The following PALM2AKAP2 variants were observed in gnomAD, a reference collection of about 807,000 sequenced individuals.
The protein encoded by PALM2AKAP2 is PALM2 and AKAP2 fusion, also known as PALM2-AKAP2 fusion protein.
A neutral mutation model predicts 71.5 loss-of-function variants in PALM2AKAP2; 37 were observed. The ratio of observed to expected loss-of-function variants is 0.52; its 90% CI spans 0.40 to 0.68. The LOEUF is 0.68. PALM2AKAP2 is among the 30% of genes least tolerant of loss of function. The probability of loss-of-function intolerance (pLI) is 0.00; values close to 1 mark genes in which losing one functional copy is unlikely to be tolerated. For synonymous variants in PALM2AKAP2, 468 were observed against 478.8 expected, an observed-to-expected ratio of 0.98 and a Z score of 0.29; for missense variants, 1,224 against 1,191.8, an observed-to-expected ratio of 1.03 and a Z score of -0.40.
intron 1 of PALM2AKAP2, among the ~76,000 whole-genome samples, chr9:109,842,862 A>G (rs1828738632): frequency 6.6e-6 from 1 of 151,842 alleles, no homozygotes; most frequent in Admixed American, 6.6e-5. Flanking sequence ...TAAAAATCAA[A>G]CAGTTCGGTG....
rs368527633 is a variant in PALM2AKAP2, at chr9:110,003,456, G to C, written c.497-12498G>C. 2.0e-4 allele frequency among the ~76,000 whole-genome samples: 31 copies of C among 152,136 alleles called. 1 individual carries two copies. The East Asian group carries it at 4.4e-3, about 22-fold the overall frequency. ...AGGAGGGCTTCACTTCCAACTATGTGGTCAATTTTGGAATAGGTGTGGTGT... is the reference window on the plus strand; with the variant it reads ...AGGAGGGCTTCACTTCCAACTATGTCGTCAATTTTGGAATAGGTGTGGTGT... On this transcript the variant is annotated intron_variant, in intron 6 of 9. Transcript: ENST00000302798.
intron 1 of PALM2AKAP2, among the ~76,000 whole-genome samples, chr9:109,791,753 T>C (rs7039313): frequency 0.29 from 43,552 of 151,988 alleles, 7,149 homozygotes; most frequent in African/African-American, 0.45. Context: ...GGACAGAGAG[T>C]GCTCAACTCC....
intron 6 of PALM2AKAP2, among the ~76,000 whole-genome samples, chr9:109,940,063 G>A (rs1228428111): frequency 6.6e-6 from 1 of 152,126 alleles, no homozygotes; most frequent in African/African-American, 2.4e-5. Context: ...ATTATACAAA[G>A]TATTTGTTAC....
At chr9:109,961,895 A>C (rs576751735) in intron 6 of PALM2AKAP2, among the ~76,000 whole-genome samples, 3 of 152,208 alleles carry the variant, frequency 2.0e-5, no homozygotes, top group Non-Finnish European at 4.4e-5. Context: ...CAGAACCACT[A>C]TCAAGTCCAG....
chr9:110,077,004 C>T (rs1243295455), intron 1 of PALM2AKAP2, among the ~76,000 whole-genome samples: 1 of 152,184 alleles, frequency 6.6e-6, no homozygotes, highest in Non-Finnish European at 1.5e-5. Context: ...GCGTTTGTCT[C>T]AAACAATTCC....
intron 1 of PALM2AKAP2, among the ~76,000 whole-genome samples, chr9:109,853,909 C>A (rs987681613): frequency 6.6e-6 from 1 of 152,138 alleles, no homozygotes; most frequent in African/African-American, 2.4e-5. Context: ...TTAACTGGAG[C>A]TTCCTACTGG....
chr9:109,757,307 A>G (rs1484703995), intron 1 of PALM2AKAP2, among the ~76,000 whole-genome samples: 2 of 152,160 alleles, frequency 1.3e-5, no homozygotes, highest in Non-Finnish European at 2.9e-5. Context: ...GTGGCAAAGA[A>G]TACTTTGTAA....
chr9:110,048,896 T>C (rs1431096981), intron 1 of PALM2AKAP2: 13 of 1,482,500 alleles, frequency 8.8e-6, no homozygotes, highest in Non-Finnish European at 1.2e-5. Context: ...TGGAGTGTCC[T>C]CGAGTGTGAG....
intron 2 of PALM2AKAP2, among the ~76,000 whole-genome samples, chr9:110,150,835 T>C (rs548048921): frequency 6.6e-6 from 1 of 152,368 alleles, no homozygotes; most frequent in African/African-American, 2.4e-5. Context: ...ACTCCTGCAA[T>C]ATATCTACTT....
intron 6 of PALM2AKAP2, among the ~76,000 whole-genome samples, chr9:109,957,474 C>T (rs1337365927): frequency 6.6e-6 from 1 of 152,206 alleles, no homozygotes; most frequent in Middle Eastern, 3.2e-3. Flanking sequence ...TAAACTGGCT[C>T]AGCACTAGAG....
intron 1 of PALM2AKAP2, among the ~76,000 whole-genome samples, chr9:109,767,478 A>G (rs1829172835): frequency 6.6e-6 from 1 of 152,130 alleles, no homozygotes; most frequent in Non-Finnish European, 1.5e-5. Flanking sequence ...ATCCTGCAGG[A>G]TCTTGCTGGT....
In PALM2AKAP2 at chr9:109,719,524, T is replaced by C. The variant is rs527812512; in HGVS notation, c.6-60964T>C. 5.9e-5 allele frequency among the ~76,000 whole-genome samples: 9 copies of C among 152,328 alleles called. No individual in the cohort carries two copies. The South Asian group carries it at 8.3e-4, about 14-fold the overall frequency. ...ATTCCCTAAACACTCAGGAGTTTAATTGAGTATTATTGGATGATTCACTTG... is the reference window on the plus strand; with the variant it reads ...ATTCCCTAAACACTCAGGAGTTTAACTGAGTATTATTGGATGATTCACTTG... On this transcript the variant is annotated intron_variant, in intron 1 of 6. Coordinates refer to the PALM2AKAP2 transcript ENST00000374531.
rs1344859415 is a variant in PALM2AKAP2, at chr9:109,656,721, G to A, written c.5+15855G>A. On this transcript the variant is annotated intron_variant, in intron 1 of 6. Transcript: ENST00000374531. ...AGGAGGCTGGAGACCTGTTGCAGGT[G>A]AGAACTGAAGGGTGTGATTGATGGC... Among the ~76,000 whole-genome samples, 5 of 152,350 alleles carry A rather than the reference G, an allele frequency of 3.3e-5. No individual in the cohort carries two copies. In the Middle Eastern group the frequency reaches 0.01, roughly 311 times the overall value.
intron 3 of PALM2AKAP2, among the ~76,000 whole-genome samples, chr9:109,912,227 A>G (rs567978843): frequency 6.6e-6 from 1 of 152,044 alleles, no homozygotes; most frequent in Non-Finnish European, 1.5e-5. Flanking sequence ...AGCCACCAGG[A>G]AAGGATGTGA....
chr9:110,013,706 T>G (rs1832924296), intron 6 of PALM2AKAP2, among the ~76,000 whole-genome samples: 1 of 152,242 alleles, frequency 6.6e-6, no homozygotes, highest in Non-Finnish European at 1.5e-5. Context: ...ATATATCCTA[T>G]GAAATGAAGC....
At chr9:109,771,394 G>A (rs1278817495) in intron 1 of PALM2AKAP2, among the ~76,000 whole-genome samples, 2 of 152,182 alleles carry the variant, frequency 1.3e-5, no homozygotes, top group Admixed American at 1.3e-4. Context: ...GGGACGAACA[G>A]ATGAAGAAGG....
chr9:109,643,966 G>A, intron 1 of PALM2AKAP2, among the ~76,000 whole-genome samples: 1 of 151,590 alleles, frequency 6.6e-6, no homozygotes, highest in African/African-American at 2.4e-5. Flanking sequence ...CTGGCAAGTT[G>A]TATGGTGGGA....
chr9:110,132,032 C>CGTGTGTGTGTGT (rs3063946), intron 1 of PALM2AKAP2, among the ~76,000 whole-genome samples: 1 of 147,426 alleles, frequency 6.8e-6, no homozygotes, highest in Non-Finnish European at 1.5e-5. Context: ...AAGTAACTAG[C>CGTGTGTGTGTGT]GTGTGTGTGT....
chr9:109,874,008 A>C (rs1231724441), intron 2 of PALM2AKAP2, among the ~76,000 whole-genome samples: 1 of 152,188 alleles, frequency 6.6e-6, no homozygotes, highest in East Asian at 1.9e-4. Flanking sequence ...AAGTAAGAAA[A>C]GTGACTTCAT....
Sources: allele counts gnomAD v4.1 joint callset (sites outside exome capture counted in the v4.1 genomes callset), GRCh38; gene constraint gnomAD v4.1.1; transcripts MANE v1.5; gene names NCBI Gene and HGNC (gene_info 2026-07-23, HGNC 2026-07-21).